ERICH2: variants seen among roughly 807,000 people sequenced by gnomAD.
ERICH2 encodes glutamate-rich protein 2.
ERICH2 carries 17 observed loss-of-function variants against 17.4 expected under a neutral mutation model. That is an observed-to-expected ratio of 0.98 (90% CI 0.67 to 1.47). The LOEUF is 1.47. Ranked by LOEUF, ERICH2 falls within the 40% of genes most tolerant of loss-of-function variation. ERICH2 has a pLI of 0.00. For synonymous variants in ERICH2, 51 were observed against 61.1 expected (o/e 0.83, Z 0.77); for missense variants, 186 against 183.2 (o/e 1.01, Z -0.09).
upstream of ERICH2, among the ~76,000 whole-genome samples, chr2:170,780,073 G>GTT (rs1700993183): frequency 2.0e-5 from 3 of 152,100 alleles, no homozygotes; most frequent in Admixed American, 2.0e-4. Flanking sequence ...GCATAAATAT[G>GTT]TTCCAATGGA....
rs115233870 is a variant in ERICH2 at position 170,785,927 on chromosome 2, G to A, written c.216+1094G>A. Among the ~76,000 whole-genome samples the A allele has an allele frequency of 8.1e-3, 1,237 of 152,124 alleles. 7 individuals carry two copies. Among genetic ancestry groups the A allele is most frequent in the Middle Eastern group, 0.031 (9 of 294 alleles). ...TTTAATTATTATTATACAACCTCAT[G>A]TATGTTGTATAATAGGACACTCATT... On this transcript the variant is annotated intron_variant, in intron 2 of 4. Transcript: ENST00000409885.
upstream of ERICH2, among the ~76,000 whole-genome samples, chr2:170,783,444 G>A (rs575853570): frequency 2.0e-5 from 3 of 152,246 alleles, no homozygotes; most frequent in Admixed American, 6.5e-5. Flanking sequence ...AGCTACTCAG[G>A]AGGCTAAGGC....
intron 4 of ERICH2, 96 bp from the exon 10 acceptor site, chr2:170,798,674 T>C (rs1014704997): frequency 1.4e-6 from 2 of 1,423,094 alleles, no homozygotes; most frequent in African/African-American, 1.4e-5. Flanking sequence ...GTTACAAATA[T>C]ATGTATTTCT....
the ERICH2 span, among the ~76,000 whole-genome samples, chr2:170,775,433 AAAT>A: frequency 6.6e-6 from 1 of 152,000 alleles, no homozygotes; most frequent in African/African-American, 2.4e-5. Context: ...CTCTGTCTCA[AAAT>A]AATAATATTA....
At chr2:170,783,696 CTG>C (rs925621294), upstream of ERICH2, 3 of 1,231,970 alleles carry the variant, frequency 2.4e-6, no homozygotes, top group Non-Finnish European at 3.5e-6. Flanking sequence ...ATGCTGCTAA[CTG>C]TTTGTGAAGT....
At chr2:170,793,669 G>A (rs1001319628) in intron 3 of ERICH2, among the ~76,000 whole-genome samples, 7 of 152,220 alleles carry the variant, frequency 4.6e-5, no homozygotes, top group East Asian at 1.9e-4. Context: ...AGTCAGAGGC[G>A]TCATAGGCAA....
upstream of ERICH2, among the ~76,000 whole-genome samples, chr2:170,778,824 G>A (rs889226397): frequency 6.6e-6 from 1 of 152,130 alleles, no homozygotes; most frequent in African/African-American, 2.4e-5. Flanking sequence ...TTGTATCAAT[G>A]AGCCCCAATG....
intron 2 of ERICH2, among the ~76,000 whole-genome samples, chr2:170,785,423 T>A (rs951555567): frequency 1.3e-5 from 2 of 152,012 alleles, no homozygotes; most frequent in African/African-American, 4.8e-5. Context: ...AAGAGAAGTT[T>A]TGGTATAAAA....
At chr2:170,781,507 G>A (rs549797212), upstream of ERICH2, among the ~76,000 whole-genome samples, 98 of 152,006 alleles carry the variant, frequency 6.4e-4, 1 homozygote, top group African/African-American at 1.0e-3. Context: ...GGTGGCAGGC[G>A]CCTGTAATCC....
the ERICH2 span, chr2:170,778,177 A>C: frequency 1.3e-5 from 2 of 152,332 alleles, no homozygotes; most frequent in African/African-American, 4.8e-5. Context: ...AAAAAATCAC[A>C]GTACAATATC....
intron 3 of ERICH2, among the ~76,000 whole-genome samples, chr2:170,795,022 C>A (rs1701382268): frequency 2.0e-5 from 3 of 152,172 alleles, no homozygotes; most frequent in Admixed American, 6.5e-5. Context: ...TGCTTTGTCA[C>A]CCAGGCTGGA....
At chr2:170,784,912 C>A (rs1192654531) in intron 2 of ERICH2, 79 bp downstream of exon 7, 1 of 1,154,112 alleles carries the variant, frequency 8.7e-7, no homozygotes, top group South Asian at 2.6e-5. Flanking sequence ...AAAATCACTA[C>A]TGTGAGAACT....
intron 3 of ERICH2, among the ~76,000 whole-genome samples, chr2:170,797,286 C>G (rs1289843213): frequency 6.6e-6 from 1 of 152,138 alleles, no homozygotes; most frequent in African/African-American, 2.4e-5. Context: ...TCCGATGAGA[C>G]CTTTAGTAAA....
At chr2:170,789,453 A>G (rs12692960) in intron 2 of ERICH2, among the ~76,000 whole-genome samples, 104,352 of 152,104 alleles carry the variant, frequency 0.69, 35,920 homozygotes, top group East Asian at 0.79. Context: ...TTCTGAATTT[A>G]TCTTTAAAAT....
chr2:170,786,312 AT>A (rs143668320), intron 2 of ERICH2, among the ~76,000 whole-genome samples: 33,679 of 150,232 alleles, frequency 0.22, 4,599 homozygotes, highest in South Asian at 0.33. Context: ...GATTGCCAAG[AT>A]TTTTTTTTTA....
At chr2:170,783,265 G>C (rs567339465), upstream of ERICH2, 1 of 152,708 alleles carries the variant, frequency 6.5e-6, no homozygotes, top group East Asian at 1.9e-4. Flanking sequence ...CACTTGACTA[G>C]TCTAAAAGAA....
chr2:170,798,825 TGAGAGTAAAG>T lies in ERICH2; in HGVS notation c.407_416del (p.Ser136LysfsTer6). ...AAAACAGTGATGAAGACAGCAGTGG[TGAGAGTAAAG>T]GAGAAAGCGATGAGGAGCTGAGTGA... On this transcript the variant is annotated frameshift_variant, in exon 5 of 5. Transcript: ENST00000409885. LOFTEE classifies it high-confidence loss of function. 6.4e-7 allele frequency: 1 copy of T among 1,550,536 alleles called. No homozygotes were observed. Among genetic ancestry groups the T allele is most frequent in the Non-Finnish European group, 8.7e-7 (1 of 1,146,960 alleles).
chr2:170,798,308 G>A (rs1201658351), intron 4 of ERICH2, among the ~76,000 whole-genome samples, 196 bp downstream of exon 9: 1 of 152,144 alleles, frequency 6.6e-6, no homozygotes, highest in African/African-American at 2.4e-5. Context: ...CTGTGGGATA[G>A]AACTGCCCGA....
At chr2:170,793,011 T>A in intron 3 of ERICH2, 91 bp downstream of exon 8, 1 of 674,918 alleles carries the variant, frequency 1.5e-6, no homozygotes, top group South Asian at 2.7e-5. Context: ...TTATCATAGG[T>A]CTAGTGAATT....
Sources: gnomAD v4.1 joint callset for allele counts (sites outside exome capture counted in the v4.1 genomes callset) on GRCh38, gnomAD v4.1.1 for gene constraint, MANE v1.5 for transcripts, NCBI Gene and HGNC (gene_info 2026-07-23, HGNC 2026-07-21) for gene names.